AGMO: variants seen among roughly 807,000 people sequenced by gnomAD.
The protein encoded by AGMO is glyceryl-ether monooxygenase.
A neutral mutation model predicts 60.2 loss-of-function variants in AGMO; 75 were observed. The ratio of observed to expected loss-of-function variants is 1.25; its 90% CI spans 1.03 to 1.51. The LOEUF (loss-of-function observed/expected upper bound fraction) is 1.51. AGMO is among the 40% of genes most tolerant of loss of function. AGMO has a pLI of 0.00. For synonymous variants in AGMO, 261 were observed against 177.1 expected, an observed-to-expected ratio of 1.47 and a Z score of -3.76; for missense variants, 763 against 525.5, an observed-to-expected ratio of 1.45 and a Z score of -4.42.
At chr7:15,509,675 G>A (rs180759483) in intron 3 of AGMO, among the ~76,000 whole-genome samples, 1 of 151,896 alleles carries the variant, frequency 6.6e-6, no homozygotes, top group African/African-American at 2.4e-5. Context: ...TCTAATAAAA[G>A]GTATATGACC....
At chr7:15,397,866 G>A (rs796366668) in intron 5 of AGMO, among the ~76,000 whole-genome samples, 2 of 152,144 alleles carry the variant, frequency 1.3e-5, no homozygotes, top group Non-Finnish European at 2.9e-5. Flanking sequence ...TTAATAACCA[G>A]GAATTGGGAA....
chr7:15,259,508 C>T (rs1255226579), intron 12 of AGMO, among the ~76,000 whole-genome samples: 1 of 152,022 alleles, frequency 6.6e-6, no homozygotes, highest in Admixed American at 6.5e-5. Flanking sequence ...AGGAAAACTA[C>T]CCCGGCTTTA....
At chr7:15,561,693 G>C (rs200272137) in intron 1 of AGMO, 27 bp downstream of exon 1, 2 of 1,584,696 alleles carry the variant, frequency 1.3e-6, no homozygotes, top group Non-Finnish European at 8.6e-7. Context: ...GCAAGAATAA[G>C]AGTAGCCTCT....
chr7:15,258,217 CA>C (rs1257239695), intron 12 of AGMO, among the ~76,000 whole-genome samples: 1 of 152,052 alleles, frequency 6.6e-6, no homozygotes, highest in African/African-American at 2.4e-5. Context: ...TTTCAAAGCA[CA>C]CAATCTGAAA....
At chr7:15,412,445 C>G (rs1780640054) in intron 5 of AGMO, among the ~76,000 whole-genome samples, 1 of 151,802 alleles carries the variant, frequency 6.6e-6, no homozygotes, top group Non-Finnish European at 1.5e-5. Flanking sequence ...AAGACAGGGA[C>G]CACGGAAAGG....
intron 12 of AGMO, among the ~76,000 whole-genome samples, chr7:15,341,037 C>G (rs961962283): frequency 6.6e-6 from 1 of 152,140 alleles, no homozygotes. Context: ...GAATCCACCT[C>G]TAGCATCAGA....
intron 10 of AGMO, among the ~76,000 whole-genome samples, chr7:15,375,076 G>T (rs1040510984): frequency 2.6e-5 from 4 of 151,982 alleles, no homozygotes; most frequent in Non-Finnish European, 5.9e-5. Context: ...CTCAGTATTG[G>T]GTAGTAATTG....
intron 12 of AGMO, among the ~76,000 whole-genome samples, chr7:15,298,315 T>C (rs1583377994): frequency 6.6e-6 from 1 of 152,182 alleles, no homozygotes; most frequent in East Asian, 1.9e-4. Flanking sequence ...TTTGCCTTCA[T>C]ACCACTTCAA....
chr7:15,205,872 C>A (rs902104609), intron 12 of AGMO, among the ~76,000 whole-genome samples: 2 of 151,972 alleles, frequency 1.3e-5, no homozygotes, highest in African/African-American at 4.8e-5. Context: ...AAAATTGTTT[C>A]TGTAGTATCA....
At chr7:15,385,587 T>C in intron 9 of AGMO, 25 bp from the exon 10 acceptor site, 1 of 1,324,106 alleles carries the variant, frequency 7.6e-7, no homozygotes, top group South Asian at 1.2e-5. Context: ...ACCATTTCCT[T>C]TATATTGCTC....
At chr7:15,230,679 C>T (rs1782233763) in intron 12 of AGMO, among the ~76,000 whole-genome samples, 1 of 152,122 alleles carries the variant, frequency 6.6e-6, no homozygotes, top group Non-Finnish European at 1.5e-5. Flanking sequence ...TCTGCAGAAA[C>T]CTCCTTATAA....
At chr7:15,385,354 T>G in intron 10 of AGMO, 92 bp downstream of exon 10, 6 of 855,564 alleles carry the variant, frequency 7.0e-6, no homozygotes, top group Non-Finnish European at 9.4e-6. Flanking sequence ...CTACAGAGAA[T>G]ATATGACAGC....
chr7:15,264,702 A>G (rs1583342111), intron 12 of AGMO, among the ~76,000 whole-genome samples: 1 of 152,294 alleles, frequency 6.6e-6, no homozygotes, highest in Middle Eastern at 3.4e-3. Context: ...ACTAATGATT[A>G]GAGAAATGCA....
At chr7:15,134,098 C>T in the AGMO span, among the ~76,000 whole-genome samples, 1 of 152,058 alleles carries the variant, frequency 6.6e-6, no homozygotes, top group South Asian at 2.1e-4. Context: ...CTGCATGTCA[C>T]AGGGGTTTGA....
intron 12 of AGMO, among the ~76,000 whole-genome samples, chr7:15,287,608 T>C (rs1784135500): frequency 6.6e-6 from 1 of 152,220 alleles, no homozygotes; most frequent in Non-Finnish European, 1.5e-5. Flanking sequence ...ATGTGTACTA[T>C]ATTTTAAAAG....
intron 12 of AGMO, among the ~76,000 whole-genome samples, chr7:15,354,420 A>ACACACGTGTGTG (rs1782408067): frequency 1.7e-4 from 1 of 5,950 alleles, no homozygotes; most frequent in Non-Finnish European, 3.0e-4. Context: ...ACGTGTGTGT[A>ACACACGTGTGTG]TACACACACG....
At chr7:15,301,811 A>C (rs1184870145) in intron 12 of AGMO, among the ~76,000 whole-genome samples, 7 of 152,246 alleles carry the variant, frequency 4.6e-5, no homozygotes, top group South Asian at 2.1e-4. Flanking sequence ...TAATATTTTT[A>C]CTGTTAAATT....
At chr7:15,291,491 ATTCT>A (rs935190745) in intron 12 of AGMO, among the ~76,000 whole-genome samples, 1 of 152,180 alleles carries the variant, frequency 6.6e-6, no homozygotes, top group African/African-American at 2.4e-5. Context: ...TTTGGAAAGT[ATTCT>A]TTGTTTGCTT....
intron 3 of AGMO, among the ~76,000 whole-genome samples, chr7:15,480,831 T>A (rs1285251753): frequency 6.6e-6 from 1 of 151,822 alleles, no homozygotes; most frequent in East Asian, 1.9e-4. Context: ...AAACACCACC[T>A]AAGATTAAGG....
Sources: gnomAD v4.1 joint callset for allele counts (sites outside exome capture counted in the v4.1 genomes callset) on GRCh38, gnomAD v4.1.1 for gene constraint, MANE v1.5 for transcripts, NCBI Gene and HGNC (gene_info 2026-07-23, HGNC 2026-07-21) for gene names.